Variants in KIF26B observed in about 807,000 individuals in gnomAD.
KIF26B encodes kinesin-like protein KIF26B.
Under a neutral mutation model 151.2 loss-of-function variants are expected in KIF26B, and 63 were observed. The ratio of observed to expected loss-of-function variants is 0.42; its 90% CI spans 0.34 to 0.51. KIF26B has a LOEUF of 0.51. KIF26B is among the 20% of genes least tolerant of loss of function. The pLI, the probability that KIF26B is intolerant of heterozygous loss-of-function variation, is 0.07. For missense variants in KIF26B, 2,813 were observed against 2,913.6 expected, an observed-to-expected ratio of 0.97 and a Z score of 0.79; for synonymous variants, 1,357 against 1,262.1, an observed-to-expected ratio of 1.08 and a Z score of -1.59.
At chr1:245,574,049 G>A (rs138104328) in intron 5 of KIF26B, among the ~76,000 whole-genome samples, 29 of 152,326 alleles carry the variant, frequency 1.9e-4, no homozygotes, top group African/African-American at 3.8e-4. Flanking sequence ...AAACAAAACC[G>A]TGGGTAAGGG....
rs1190308197 is a variant in KIF26B, at chr1:245,227,283, A to G, written c.465+70600A>G. On this transcript the variant is annotated intron_variant, in intron 2 of 14. Coordinates refer to ENST00000407071, the MANE Select transcript of KIF26B (RefSeq NM_018012.4). The surrounding 1 kb of genome is among the most constrained non-coding windows in gnomAD (Gnocchi z 4.1). ...CCAGAAAGAAATTCCCCTTCCTTCC[A>G]CAGCCAGAGGATTTCAAGTCTATAA... 6.6e-6 allele frequency among the ~76,000 whole-genome samples: 1 copy of G among 152,238 alleles called. No individual in the cohort carries two copies. Among genetic ancestry groups the G allele is most frequent in the Non-Finnish European group, 1.5e-5 (1 of 68,038 alleles).
chr1:245,662,184 T>TAC (rs1000315261), intron 10 of KIF26B, among the ~76,000 whole-genome samples: 11 of 149,768 alleles, frequency 7.3e-5, no homozygotes, highest in Non-Finnish European at 1.5e-4. Flanking sequence ...ACACACCCAA[T>TAC]ATATATATAC....
rs139184888 is a variant in KIF26B, at chr1:245,369,087, G to A, written c.999+1720G>A. ...CAGGAGGCGGAGGCTGCAGTGAGCCGAGATTGCACCACTGCACTCCAGCAG... is the reference window on the plus strand; with the variant it reads ...CAGGAGGCGGAGGCTGCAGTGAGCCAAGATTGCACCACTGCACTCCAGCAG... On this transcript the variant is annotated intron_variant, in intron 3 of 14. Coordinates refer to ENST00000407071, the MANE Select transcript of KIF26B (RefSeq NM_018012.4). Among the ~76,000 whole-genome samples the A allele has an allele frequency of 4.6e-3, 696 of 152,164 alleles. 5 individuals carry two copies. The highest frequency in any genetic ancestry group is 0.015 in the African/African-American group (640 of 41,494).
chr1:245,544,351 G>A (rs1047196558), intron 5 of KIF26B, among the ~76,000 whole-genome samples: 51 of 152,310 alleles, frequency 3.3e-4, no homozygotes, highest in African/African-American at 1.2e-3. Context: ...CTGACCTGGA[G>A]TCTCCTAGAG....
At chr1:245,584,960 G>C (rs1011548978) in intron 5 of KIF26B, among the ~76,000 whole-genome samples, 3 of 152,114 alleles carry the variant, frequency 2.0e-5, no homozygotes, top group Non-Finnish European at 2.9e-5. Context: ...AAATTGATAA[G>C]ATTGGCATTT....
At chr1:245,556,203 CTCT>C (rs970106647) in intron 5 of KIF26B, among the ~76,000 whole-genome samples, 5 of 152,054 alleles carry the variant, frequency 3.3e-5, no homozygotes, top group South Asian at 2.1e-4. Flanking sequence ...GCACATCAAT[CTCT>C]TCTTCTTCCT....
intron 5 of KIF26B, among the ~76,000 whole-genome samples, chr1:245,581,651 C>T (rs1050169848): frequency 1.3e-5 from 2 of 152,184 alleles, no homozygotes; most frequent in African/African-American, 2.4e-5. Context: ...GGTGAAAAGA[C>T]ATTAAATGGG....
intron 2 of KIF26B, among the ~76,000 whole-genome samples, chr1:245,310,020 A>G (rs1175084279): frequency 6.8e-6 from 1 of 147,736 alleles, no homozygotes; most frequent in African/African-American, 2.5e-5. Context: ...ATGCAAAGAG[A>G]GGTCACGTGA....
intron 2 of KIF26B, among the ~76,000 whole-genome samples, chr1:245,330,940 G>A (rs565486736): frequency 1.8e-4 from 27 of 152,010 alleles, no homozygotes; most frequent in Non-Finnish European, 2.6e-4. Flanking sequence ...GGAAGTCCCC[G>A]CAGAGAGAGA....
At chr1:245,532,769 A>G (rs1253537382) in intron 4 of KIF26B, among the ~76,000 whole-genome samples, 2 of 148,402 alleles carry the variant, frequency 1.3e-5, no homozygotes, top group East Asian at 2.0e-4. Context: ...AAAAATCAGG[A>G]AAAAAAAAAC....
Position 245,488,451 on chromosome 1 carries a change from A to G in KIF26B, c.1167-52316A>G, listed in dbSNP as rs1355764389. 6.6e-6 allele frequency among the ~76,000 whole-genome samples: 1 copy of G among 152,176 alleles called. No homozygotes were observed. The highest frequency in any genetic ancestry group is 1.5e-5 in the Non-Finnish European group (1 of 68,036). ...TCCTTGCTGGGTAGGATTGTTTCAG[A>G]GGATATGAAGGACAAGGGACTGAGC... is the stretch of plus-strand genomic sequence containing the variant. On this transcript the variant is annotated intron_variant, in intron 4 of 14. Transcript: ENST00000407071. The surrounding 1 kb of genome is among the most constrained non-coding windows in gnomAD (Gnocchi z 4.6).
chr1:245,289,359 T>C (rs1018137342), intron 2 of KIF26B, among the ~76,000 whole-genome samples: 4 of 152,166 alleles, frequency 2.6e-5, no homozygotes, highest in Non-Finnish European at 5.9e-5. Context: ...CCCAGGCAAT[T>C]ATTATTATTG....
At chr1:245,663,390 AT>A (rs930249241) in intron 10 of KIF26B, among the ~76,000 whole-genome samples, 3 of 17,272 alleles carry the variant, frequency 1.7e-4, no homozygotes, top group Non-Finnish European at 4.2e-4. Flanking sequence ...ATTTGTGATC[AT>A]TTTTTTTTGT....
intron 4 of KIF26B, among the ~76,000 whole-genome samples, chr1:245,518,520 G>A (rs1010927776): frequency 6.6e-6 from 1 of 152,162 alleles, no homozygotes; most frequent in Admixed American, 6.5e-5. Flanking sequence ...GTCCTAAGTC[G>A]TCCCTTGGAA....
chr1:245,312,587 C>G (rs1486798735), intron 2 of KIF26B, among the ~76,000 whole-genome samples: 1 of 152,066 alleles, frequency 6.6e-6, no homozygotes, highest in Non-Finnish European at 1.5e-5. Context: ...CACACATTTT[C>G]CCTTTGGACT....
chr1:245,282,588 C>T (rs1335915420), intron 2 of KIF26B, among the ~76,000 whole-genome samples: 1 of 152,168 alleles, frequency 6.6e-6, no homozygotes, highest in Non-Finnish European at 1.5e-5. Flanking sequence ...GTGGGAGGGC[C>T]AGCTTTTTCC....
chr1:245,536,287 G>A (rs1661486555), intron 4 of KIF26B, among the ~76,000 whole-genome samples: 2 of 152,104 alleles, frequency 1.3e-5, no homozygotes, highest in African/African-American at 4.8e-5. Context: ...TTTAAAGAGA[G>A]CTTTCTTGAA....
intron 4 of KIF26B, among the ~76,000 whole-genome samples, chr1:245,446,633 C>T (rs1417358020): frequency 6.6e-6 from 1 of 152,144 alleles, no homozygotes; most frequent in Non-Finnish European, 1.5e-5. Context: ...TTAAAAGGAA[C>T]CTAGAGTGCA....
At position 245,702,361 on chromosome 1, in the gene KIF26B, G is replaced by T. The variant is rs1002852410; in HGVS notation, c.6179-97G>T. ...AAGCGAACTAGACCTTTAGACCAAG[G>T]GGTAGATGTGGGGGTGGCAGCTCCA... On this transcript the variant is annotated intron_variant, in intron 14 of 14. Transcript: ENST00000407071. The surrounding 1 kb of genome is among the most constrained non-coding windows in gnomAD (Gnocchi z 4.1). The T allele has an allele frequency of 1.5e-5, 21 of 1,357,842 alleles. No individual in the cohort carries two copies. The highest frequency in any genetic ancestry group is 2.9e-5 in the African/African-American group (2 of 69,766). The allele number at this position is 1,357,842 out of a possible 1,614,324, so 84.1% of individuals were successfully genotyped here.
Sources: gnomAD v4.1 joint callset for allele counts (sites outside exome capture counted in the v4.1 genomes callset) on GRCh38, gnomAD v4.1.1 for gene constraint, Gnocchi (gnomAD v3.1) non-coding constraint, MANE v1.5 for transcripts, NCBI Gene and HGNC (gene_info 2026-07-23, HGNC 2026-07-21) for gene names.